The following C8orf34 variants were observed in gnomAD, a reference collection of about 807,000 sequenced individuals.
C8orf34 encodes uncharacterized protein C8orf34.
C8orf34 carries 65 observed loss-of-function variants against 68.3 expected under a neutral mutation model. That is an observed-to-expected ratio of 0.95 (90% CI 0.78 to 1.17). The LOEUF is 1.17. Ranked by LOEUF, C8orf34 falls within the 50% of genes most tolerant of loss-of-function variation. C8orf34 has a pLI of 0.00. For synonymous variants in C8orf34, 244 were observed against 241.2 expected (o/e 1.01, Z -0.11); for missense variants, 664 against 655.4 (o/e 1.01, Z -0.14).
intron 8 of C8orf34, among the ~76,000 whole-genome samples, chr8:68,684,370 G>A (rs1037075412): frequency 1.5e-4 from 23 of 152,226 alleles, no homozygotes; most frequent in African/African-American, 4.3e-4. Context: ...TCTTAAACAG[G>A]CATAAAGTAT....
chr8:68,367,915 A>AAAAAAAAAAAAAAC (rs1807370713), intron 1 of C8orf34, among the ~76,000 whole-genome samples: 1 of 22,896 alleles, frequency 4.4e-5, no homozygotes, highest in Non-Finnish European at 9.5e-5. Context: ...AAGAAAAGAA[A>AAAAAAAAAAAAAAC]AAAAAAAAAA....
chr8:68,799,077 T>G (rs936442007), intron 12 of C8orf34, among the ~76,000 whole-genome samples: 2 of 152,194 alleles, frequency 1.3e-5, no homozygotes, highest in Non-Finnish European at 2.9e-5. Flanking sequence ...TCTTTTACAA[T>G]GCATAATTAT....
At chr8:68,735,838 TG>T (rs1474876398) in intron 10 of C8orf34, among the ~76,000 whole-genome samples, 1 of 152,202 alleles carries the variant, frequency 6.6e-6, no homozygotes, top group Non-Finnish European at 1.5e-5. Context: ...GACCCAAATT[TG>T]TAAAACACCA....
intron 10 of C8orf34, among the ~76,000 whole-genome samples, chr8:68,775,735 A>C (rs1823497321): frequency 6.6e-6 from 1 of 152,220 alleles, no homozygotes; most frequent in African/African-American, 2.4e-5. Context: ...TATTTATAAC[A>C]TTAACAACAG....
intron 7 of C8orf34, among the ~76,000 whole-genome samples, chr8:68,589,966 AAGG>A (rs947715592): frequency 6.2e-5 from 9 of 144,984 alleles, no homozygotes; most frequent in Non-Finnish European, 1.2e-4. Flanking sequence ...AGAAAGAAAA[AAGG>A]AGGACATTTA....
intron 1 of C8orf34, among the ~76,000 whole-genome samples, chr8:68,396,089 T>G (rs961214921): frequency 6.6e-6 from 1 of 152,012 alleles, no homozygotes; most frequent in Non-Finnish European, 1.5e-5. Context: ...ATAAAGTCAT[T>G]TATTTATAGC....
chr8:68,357,318 A>G (rs1806791818), intron 1 of C8orf34, among the ~76,000 whole-genome samples: 1 of 152,184 alleles, frequency 6.6e-6, no homozygotes, highest in Admixed American at 6.5e-5. Context: ...TAAGCAGATG[A>G]TAAATACTCT....
rs181515707 is a variant in C8orf34, at chr8:68,685,823, G to A, written c.1242-23171G>A. ...CCTGGGGAGGTTGAGGCTGCAGTGA[G>A]CCATGATCATGCCACTACACTCCAG... is the stretch of plus-strand genomic sequence containing the variant. On this transcript the variant is annotated intron_variant, in intron 8 of 13. Coordinates refer to ENST00000518698, the MANE Select transcript of C8orf34 (RefSeq NM_052958.4). 5.4e-3 allele frequency among the ~76,000 whole-genome samples: 819 copies of A among 151,868 alleles called. 7 individuals carry two copies. The highest frequency in any genetic ancestry group is 0.019 in the African/African-American group (796 of 41,388).
chr8:68,768,208 A>G, intron 10 of C8orf34, among the ~76,000 whole-genome samples: 1 of 152,198 alleles, frequency 6.6e-6, no homozygotes, highest in East Asian at 1.9e-4. Context: ...GTCATTTTGC[A>G]ATGCCCCTGG....
At chr8:68,382,247 A>G (rs570231684) in intron 1 of C8orf34, among the ~76,000 whole-genome samples, 1 of 152,334 alleles carries the variant, frequency 6.6e-6, no homozygotes, top group Admixed American at 6.5e-5. Context: ...ATATAAAATG[A>G]TGTGCACAAT....
chr8:68,625,014 A>C (rs1818497351), intron 7 of C8orf34, among the ~76,000 whole-genome samples: 1 of 151,878 alleles, frequency 6.6e-6, no homozygotes, highest in Admixed American at 6.6e-5. Context: ...ATGTAATTTC[A>C]GGAGATAATA....
At chr8:68,475,717 G>A (rs1812585043) in intron 4 of C8orf34, among the ~76,000 whole-genome samples, 1 of 152,192 alleles carries the variant, frequency 6.6e-6, no homozygotes, top group African/African-American at 2.4e-5. Flanking sequence ...TTTATTTCAT[G>A]CAATTGGCCA....
At chr8:68,441,111 C>T (rs886549498) in intron 2 of C8orf34, among the ~76,000 whole-genome samples, 2 of 150,626 alleles carry the variant, frequency 1.3e-5, no homozygotes, top group Admixed American at 6.6e-5. Context: ...GCCAACTCTT[C>T]ATTTTAAATC....
chr8:68,622,244 C>T (rs1371989586), intron 7 of C8orf34, among the ~76,000 whole-genome samples: 3 of 152,202 alleles, frequency 2.0e-5, no homozygotes, highest in African/African-American at 7.2e-5. Flanking sequence ...AAGTCAGTGT[C>T]TTGTAACTGA....
chr8:68,370,501 C>G (rs1407889439), intron 1 of C8orf34, among the ~76,000 whole-genome samples: 1 of 152,188 alleles, frequency 6.6e-6, no homozygotes, highest in East Asian at 1.9e-4. Context: ...CTGTCTTGCT[C>G]TCCTCACTAA....
intron 8 of C8orf34, among the ~76,000 whole-genome samples, chr8:68,670,047 G>T (rs886229712): frequency 6.6e-6 from 1 of 152,098 alleles, no homozygotes; most frequent in Non-Finnish European, 1.5e-5. Flanking sequence ...TGAACAGCAT[G>T]CTGCTAGCCT....
At chr8:68,444,693 T>C (rs1221236492) in intron 2 of C8orf34, among the ~76,000 whole-genome samples, 1 of 152,188 alleles carries the variant, frequency 6.6e-6, no homozygotes, top group Non-Finnish European at 1.5e-5. Context: ...GCAAAATTGA[T>C]GCATGACTTA....
intron 8 of C8orf34, among the ~76,000 whole-genome samples, chr8:68,664,091 A>G (rs994052793): frequency 6.6e-6 from 1 of 152,188 alleles, no homozygotes; most frequent in Non-Finnish European, 1.5e-5. Context: ...GAGACAGCCA[A>G]TGAGCACAGA....
intron 5 of C8orf34, among the ~76,000 whole-genome samples, chr8:68,509,557 A>G (rs1326786982): frequency 1.3e-5 from 2 of 151,940 alleles, no homozygotes; most frequent in Non-Finnish European, 1.5e-5. Flanking sequence ...GTGTGTTCTC[A>G]TAGTACAGAG....
Sources: allele counts gnomAD v4.1 joint callset (sites outside exome capture counted in the v4.1 genomes callset), GRCh38; gene constraint gnomAD v4.1.1; transcripts MANE v1.5; gene names NCBI Gene and HGNC (gene_info 2026-07-23, HGNC 2026-07-21).